SREBF2: variants seen among roughly 807,000 people sequenced by gnomAD.
SREBF2 encodes the protein sterol regulatory element binding transcription factor 2.
In SREBF2, 55 loss-of-function variants were observed where a neutral mutation model predicts 113.1. That is an observed-to-expected ratio of 0.49 (90% CI 0.39 to 0.61). SREBF2 has a LOEUF of 0.61. Among genes scored for constraint, SREBF2 ranks in the 20% least tolerant of loss-of-function variants. The pLI is 0.00. For missense variants in SREBF2, 1,349 were observed against 1,487.4 expected, an observed-to-expected ratio of 0.91 and a Z score of 1.53; for synonymous variants, 593 against 605.7, an observed-to-expected ratio of 0.98 and a Z score of 0.31.
intron 9 of SREBF2, among the ~76,000 whole-genome samples, chr22:41,879,095 A>AAGTGAT (rs1381233801): frequency 2.0e-5 from 3 of 152,210 alleles, no homozygotes; most frequent in Non-Finnish European, 4.4e-5. Flanking sequence ...TCCTAGGCTC[A>AAGTGAT]AGTGATCCTC....
intron 4 of SREBF2, among the ~76,000 whole-genome samples, chr22:41,873,195 C>T (rs893048094): frequency 6.6e-6 from 1 of 151,368 alleles, no homozygotes; most frequent in Non-Finnish European, 1.5e-5. Context: ...GAAACTCCGT[C>T]TCAAAAAAAA....
At chr22:41,882,127 A>G (rs1215853147) in intron 10 of SREBF2, among the ~76,000 whole-genome samples, 1 of 152,182 alleles carries the variant, frequency 6.6e-6, no homozygotes, top group Admixed American at 6.5e-5. Context: ...GAGGCCAAAT[A>G]GAAGCTGATG....
intron 10 of SREBF2, among the ~76,000 whole-genome samples, chr22:41,884,315 T>G (rs906018205): frequency 8.5e-5 from 13 of 152,166 alleles, no homozygotes; most frequent in Non-Finnish European, 1.9e-4. Flanking sequence ...TTTTCTATTT[T>G]TAGTAGAGAT....
At chr22:41,905,292 T>A in intron 18 of SREBF2, 148 bp from the exon 19 acceptor site, 1 of 834,466 alleles carries the variant, frequency 1.2e-6, no homozygotes, top group Non-Finnish European at 1.9e-6. Context: ...CTGGACAAGT[T>A]CACTTCTTTT....
intron 16 of SREBF2, chr22:41,900,816 G>A (rs888839929): frequency 3.3e-5 from 17 of 519,928 alleles, no homozygotes; most frequent in African/African-American, 1.5e-4. Flanking sequence ...TTGCTCCAGC[G>A]GTTTGCGTGA....
At chr22:41,834,831 C>T (rs1203593917) in intron 1 of SREBF2, among the ~76,000 whole-genome samples, 1 of 152,180 alleles carries the variant, frequency 6.6e-6, no homozygotes, top group East Asian at 1.9e-4. Context: ...GGGTTGGGAA[C>T]ATAGCAAGGG....
At chr22:41,885,931 A>G (rs1456228277) in intron 11 of SREBF2, 2 of 152,214 alleles carry the variant, frequency 1.3e-5, no homozygotes, top group Non-Finnish European at 2.9e-5. Flanking sequence ...TTATGTCTAC[A>G]CTTGATCTTA....
intron 1 of SREBF2, among the ~76,000 whole-genome samples, chr22:41,851,187 ATATT>A (rs1286635034): frequency 6.6e-6 from 1 of 152,150 alleles, no homozygotes; most frequent in Non-Finnish European, 1.5e-5. Flanking sequence ...TGTACTGGTA[ATATT>A]TATTCTGTAA....
chr22:41,880,418 T>C (rs1005830817), intron 9 of SREBF2, among the ~76,000 whole-genome samples: 3 of 133,686 alleles, frequency 2.2e-5, no homozygotes, highest in Non-Finnish European at 4.8e-5. Flanking sequence ...AAAAAAAAAG[T>C]GCTACTCTGA....
At chr22:41,905,056 C>A in intron 18 of SREBF2, 82 bp downstream of exon 18, 1 of 1,280,738 alleles carries the variant, frequency 7.8e-7, no homozygotes, top group Non-Finnish European at 1.1e-6. Context: ...CAGCCCAGCT[C>A]CCACATCTGG....
intron 1 of SREBF2, among the ~76,000 whole-genome samples, chr22:41,838,154 G>T (rs2076796618): frequency 6.6e-6 from 1 of 152,176 alleles, no homozygotes; most frequent in Non-Finnish European, 1.5e-5. Flanking sequence ...CTGGGATCAG[G>T]AAAGAAACAG....
intron 1 of SREBF2, among the ~76,000 whole-genome samples, chr22:41,860,728 T>C (rs2148367274): frequency 6.6e-6 from 1 of 152,122 alleles, no homozygotes; most frequent in South Asian, 2.1e-4. Flanking sequence ...AAAAAAGATT[T>C]CTTTAAAGTT....
At chr22:41,837,795 T>C (rs2076792103) in intron 1 of SREBF2, among the ~76,000 whole-genome samples, 1 of 149,244 alleles carries the variant, frequency 6.7e-6, no homozygotes, top group African/African-American at 2.5e-5. Context: ...GAGGCAGAGG[T>C]TGCAGTGAGC....
At chr22:41,885,896 G>A (rs2077294819) in intron 11 of SREBF2, 1 of 152,208 alleles carries the variant, frequency 6.6e-6, no homozygotes, top group African/African-American at 2.4e-5. Context: ...GGGGACAAAG[G>A]GCGCAGGGAA....
intron 1 of SREBF2, among the ~76,000 whole-genome samples, chr22:41,850,294 CA>C (rs906306661): frequency 1.3e-5 from 2 of 149,908 alleles, no homozygotes; most frequent in African/African-American, 2.5e-5. Context: ...CTAAAAATAC[CA>C]AAAATTAGCC....
intron 12 of SREBF2, 81 bp from the exon 13 acceptor site, chr22:41,894,739 T>C (rs2077396822): frequency 6.0e-6 from 7 of 1,165,038 alleles, no homozygotes; most frequent in Non-Finnish European, 9.1e-6. Context: ...GGCATGGCTG[T>C]GTTTGGAGTT....
At chr22:41,876,948 T>C (rs1368372605) in intron 7 of SREBF2, among the ~76,000 whole-genome samples, 3 of 152,142 alleles carry the variant, frequency 2.0e-5, no homozygotes, top group Non-Finnish European at 2.9e-5. Context: ...AATCATACAG[T>C]GTGTTCTCTT....
At position 41,903,150 on chromosome 22, in the gene SREBF2, C is replaced by G. The variant is rs761111632; in HGVS notation, c.3088C>G (p.Arg1030Gly). Residue 1030 changes from arginine (R) to glycine (G), a missense_variant, in exon 17 of 19, where the codon CGC (arginine) becomes GGC (glycine). Arg to Gly is a moderately radical substitution (Grantham distance 125). Around this residue, in one of 2 missense-constraint regions of SREBF2, gnomAD observed 650 missense variants for 644.1 expected, o/e 1.01. Transcript: ENST00000361204. ...RLAHSFRPAYRKVFLHEATVR... is the reference protein window; with the variant it reads ...RLAHSFRPAYGKVFLHEATVR... ...GGCACACAGCTTCCGCCCAGCATAC[C>G]GCAAGGTGAGGCCCAGCTGGCTGGT... The G allele has an allele frequency of 1.3e-6, 2 of 1,551,778 alleles. No homozygotes were observed. Among genetic ancestry groups the G allele is most frequent in the South Asian group, 2.4e-5 (2 of 84,400 alleles).
At chr22:41,892,115 G>A (rs973341505) in intron 11 of SREBF2, among the ~76,000 whole-genome samples, 13 of 152,106 alleles carry the variant, frequency 8.5e-5, no homozygotes, top group Admixed American at 4.6e-4. Flanking sequence ...GTAGGGGGCC[G>A]CCCTTGCAGG....
Sources: allele counts gnomAD v4.1 joint callset (sites outside exome capture counted in the v4.1 genomes callset), GRCh38; gene constraint gnomAD v4.1.1; regional missense constraint gnomAD v4.1.1; transcripts MANE v1.5; gene names NCBI Gene and HGNC (gene_info 2026-07-23, HGNC 2026-07-21).